GRID2: variants seen among roughly 807,000 people sequenced by gnomAD.
The protein encoded by GRID2 is glutamate ionotropic receptor delta type subunit 2.
In GRID2, 33 loss-of-function variants were observed where a neutral mutation model predicts 114.8. The ratio of observed to expected loss-of-function variants is 0.29; its 90% CI spans 0.22 to 0.38. The LOEUF is 0.38. GRID2 is among the 10% of genes least tolerant of loss of function. The pLI is 1.00. For missense variants in GRID2, 1,184 were observed against 1,257.7 expected (o/e 0.94, Z 0.89); for synonymous variants, 505 against 449.9 (o/e 1.12, Z -1.55).
intron 4 of GRID2, among the ~76,000 whole-genome samples, chr4:93,143,235 C>G (rs1354615306): frequency 6.6e-6 from 1 of 152,168 alleles, no homozygotes; most frequent in East Asian, 1.9e-4. Flanking sequence ...CTTGTTGAAA[C>G]AGGACTTAAG....
intron 15 of GRID2, among the ~76,000 whole-genome samples, chr4:93,771,516 C>G (rs1734105185): frequency 6.6e-6 from 1 of 152,132 alleles, no homozygotes; most frequent in Non-Finnish European, 1.5e-5. Flanking sequence ...TTGAGTATTG[C>G]TCTCTCTAAA....
At chr4:93,183,538 T>G (rs1740106947) in intron 4 of GRID2, among the ~76,000 whole-genome samples, 1 of 152,196 alleles carries the variant, frequency 6.6e-6, no homozygotes, top group African/African-American at 2.4e-5. Context: ...GGCACCCAAC[T>G]GATACATTCA....
intron 2 of GRID2, among the ~76,000 whole-genome samples, chr4:92,774,470 C>T (rs1026064755): frequency 6.6e-5 from 10 of 150,790 alleles, no homozygotes; most frequent in Admixed American, 5.3e-4. Flanking sequence ...TACTGAGGTA[C>T]TTTACTTATA....
At chr4:93,328,783 C>G (rs1758129310) in intron 8 of GRID2, among the ~76,000 whole-genome samples, 1 of 151,732 alleles carries the variant, frequency 6.6e-6, no homozygotes, top group Non-Finnish European at 1.5e-5. Flanking sequence ...TGCTCAGGAT[C>G]AGTAGGTTAT....
intron 8 of GRID2, among the ~76,000 whole-genome samples, chr4:93,307,554 C>G (rs1024811546): frequency 6.6e-6 from 1 of 152,112 alleles, no homozygotes; most frequent in Non-Finnish European, 1.5e-5. Context: ...CCAGACTCCT[C>G]CATGCAGGGA....
chr4:93,630,512 A>AGTTT (rs1743148087), intron 14 of GRID2, among the ~76,000 whole-genome samples: 1 of 152,198 alleles, frequency 6.6e-6, no homozygotes, highest in Non-Finnish European at 1.5e-5. Context: ...GGATATTGGG[A>AGTTT]AAAATTCATT....
At chr4:92,926,241 C>A (rs1307382560) in intron 2 of GRID2, among the ~76,000 whole-genome samples, 2 of 151,918 alleles carry the variant, frequency 1.3e-5, no homozygotes, top group Non-Finnish European at 2.9e-5. Flanking sequence ...GCAGGAATTT[C>A]TTTTCTTCTT....
At chr4:92,974,714 T>G (rs1753744068) in intron 2 of GRID2, among the ~76,000 whole-genome samples, 1 of 151,524 alleles carries the variant, frequency 6.6e-6, no homozygotes, top group Non-Finnish European at 1.5e-5. Context: ...AGGAATAACA[T>G]TAGGAGAAAT....
In GRID2 at chr4:92,443,028, A is replaced by G. The variant is rs201509874; in HGVS notation, c.88+138284A>G. ...CTGGCGAGGAGCAGCCTGGGGAGGAAGGGAGAGGTCAGATGGGTCTGTAGA... is the reference window on the plus strand; with the variant it reads ...CTGGCGAGGAGCAGCCTGGGGAGGAGGGGAGAGGTCAGATGGGTCTGTAGA... On this transcript the variant is annotated intron_variant, in intron 1 of 15. Transcript: ENST00000282020. Among the ~76,000 whole-genome samples the G allele has an allele frequency of 8.3e-4, 126 of 151,618 alleles. 2 individuals are homozygous for G. The East Asian group carries it at 0.017, about 21-fold the overall frequency.
chr4:93,513,194 T>C (rs1211065743), intron 12 of GRID2, among the ~76,000 whole-genome samples: 2 of 152,190 alleles, frequency 1.3e-5, no homozygotes, highest in Non-Finnish European at 2.9e-5. Context: ...TGTACAACCA[T>C]CTGGTCTTCA....
intron 1 of GRID2, among the ~76,000 whole-genome samples, chr4:92,492,101 G>A (rs767737070): frequency 4.6e-5 from 7 of 152,090 alleles, no homozygotes; most frequent in Admixed American, 1.3e-4. Flanking sequence ...AAAAGGCTTT[G>A]TATGCTCATC....
At chr4:93,285,860 G>C (rs999216565) in intron 8 of GRID2, among the ~76,000 whole-genome samples, 2 of 151,870 alleles carry the variant, frequency 1.3e-5, no homozygotes, top group Non-Finnish European at 2.9e-5. Flanking sequence ...AATTTATGTT[G>C]CTTGAAAATA....
intron 4 of GRID2, among the ~76,000 whole-genome samples, chr4:93,135,347 C>A (rs1735149255): frequency 6.6e-6 from 1 of 152,146 alleles, no homozygotes; most frequent in South Asian, 2.1e-4. Flanking sequence ...TAGGGAGCAG[C>A]TGAATGTGTA....
chr4:92,537,918 T>G (rs891266831), intron 1 of GRID2, among the ~76,000 whole-genome samples: 1 of 151,940 alleles, frequency 6.6e-6, no homozygotes, highest in African/African-American at 2.4e-5. Context: ...ATGTATTAAG[T>G]AGATTGAAAA....
At chr4:93,167,298 T>C (rs1390437346) in intron 4 of GRID2, among the ~76,000 whole-genome samples, 1 of 152,186 alleles carries the variant, frequency 6.6e-6, no homozygotes, top group Non-Finnish European at 1.5e-5. Context: ...TGCACAGTTA[T>C]ATTGATACAG....
rs766555011 is a variant in GRID2 at position 92,516,454 on chromosome 4, TC to T, written c.89-73676del. On this transcript the variant is annotated intron_variant, in intron 1 of 15. Transcript: ENST00000282020. Reference sequence around the variant, plus strand: ...TTTGACCCAGAGTTGACCCATCTTCTCTAGTAATAGCAACCCTATCGTTTCA... The same window carrying T: ...TTTGACCCAGAGTTGACCCATCTTCTTAGTAATAGCAACCCTATCGTTTCA... Among the ~76,000 whole-genome samples, 17 of 152,026 alleles carry T rather than the reference TC, an allele frequency of 1.1e-4. 1 individual carries two copies. In the East Asian group the frequency reaches 2.7e-3, roughly 24 times the overall value.
intron 2 of GRID2, among the ~76,000 whole-genome samples, chr4:93,034,974 C>A (rs544431325): frequency 1.3e-5 from 2 of 152,268 alleles, no homozygotes; most frequent in East Asian, 1.9e-4. Flanking sequence ...AGCAAATAAA[C>A]TTCCAGTACA....
intron 2 of GRID2, among the ~76,000 whole-genome samples, chr4:92,827,686 A>G (rs1741820241): frequency 6.6e-6 from 1 of 152,040 alleles, no homozygotes; most frequent in Admixed American, 6.6e-5. Flanking sequence ...TGCCCTTAAG[A>G]GGGTACAAAG....
chr4:93,603,008 G>C (rs187572663), intron 13 of GRID2, among the ~76,000 whole-genome samples: 1 of 152,140 alleles, frequency 6.6e-6, no homozygotes, highest in African/African-American at 2.4e-5. Context: ...TCAGGAGTTC[G>C]AGACCAGCCT....
Sources: allele counts gnomAD v4.1 joint callset (sites outside exome capture counted in the v4.1 genomes callset), GRCh38; gene constraint gnomAD v4.1.1; transcripts MANE v1.5; gene names NCBI Gene and HGNC (gene_info 2026-07-23, HGNC 2026-07-21).